The following COL10A1 variants were observed in gnomAD, a reference collection of about 807,000 sequenced individuals.
COL10A1 encodes collagen type X alpha 1 chain, also known as collagen alpha-1(X) chain.
In COL10A1, 10 loss-of-function variants were observed where a neutral mutation model predicts 18.2. The ratio of observed to expected loss-of-function variants is 0.55; its 90% CI spans 0.34 to 0.93. The LOEUF is 0.93. Among genes scored for constraint, COL10A1 ranks in the 40% least tolerant of loss-of-function variants. The pLI is 0.02. For missense variants in COL10A1, 897 were observed against 853.5 expected (o/e 1.05, Z -0.64); for synonymous variants, 330 against 316.6 (o/e 1.04, Z -0.45).
At chr6:116,175,147 A>C in the COL10A1 span, among the ~76,000 whole-genome samples, 1 of 152,190 alleles carries the variant, frequency 6.6e-6, no homozygotes, top group African/African-American at 2.4e-5. Flanking sequence ...AGTTTGATGC[A>C]TTCTGACTCA....
At chr6:116,148,224 G>A (rs1582834840) in intron 1 of COL10A1, among the ~76,000 whole-genome samples, 1 of 152,074 alleles carries the variant, frequency 6.6e-6, no homozygotes, top group Non-Finnish European at 1.5e-5. Flanking sequence ...TGGGGACAGG[G>A]GTGGGAGGGA....
chr6:116,205,380 G>T, the COL10A1 span, among the ~76,000 whole-genome samples: 4 of 151,920 alleles, frequency 2.6e-5, no homozygotes, highest in East Asian at 5.8e-4. Flanking sequence ...TTGGAAATTT[G>T]GAAGTGTTCA....
At chr6:116,136,036 C>T (rs1326632455) in intron 1 of COL10A1, among the ~76,000 whole-genome samples, 1 of 151,850 alleles carries the variant, frequency 6.6e-6, no homozygotes, top group Non-Finnish European at 1.5e-5. Flanking sequence ...ATTTCATGAA[C>T]TTATTCATCC....
chr6:116,120,944 G>A lies in COL10A1; in HGVS notation c.1172C>T (p.Pro391Leu), dbSNP rs1779100523. ...AGGACCATCGAGACCTGGTTTTCCT[G>A]GGTACCCTGGTTTTCCATCTGACCC... is the stretch of plus-strand genomic sequence containing the variant. ...SPGSDGKPGY[P>L]GKPGLDGPKG... Residue 391 changes from proline (P) to leucine (L), a missense_variant, in exon 3 of 3, where the codon CCA becomes CTA. Physicochemically the swap from Pro to Leu is moderately conservative, Grantham distance 98. Coordinates refer to ENST00000651968, the MANE Select transcript of COL10A1 (RefSeq NM_000493.4). 1 of 1,613,750 alleles carries A rather than the reference G, an allele frequency of 6.2e-7. No homozygotes were observed. Among genetic ancestry groups the A allele is most frequent in the African/African-American group, 1.3e-5 (1 of 74,854 alleles).
the COL10A1 span, among the ~76,000 whole-genome samples, chr6:116,181,665 C>T: frequency 1.3e-5 from 2 of 151,856 alleles, no homozygotes; most frequent in African/African-American, 2.4e-5. Flanking sequence ...TGGAAACTTA[C>T]AAAATGCAAG....
chr6:116,210,144 TC>T, the COL10A1 span, among the ~76,000 whole-genome samples: 1 of 152,060 alleles, frequency 6.6e-6, no homozygotes, highest in African/African-American at 2.4e-5. Flanking sequence ...GATACTTTTT[TC>T]CTCTGCAGAA....
At chr6:116,162,253 T>G (rs901234813), upstream of COL10A1, among the ~76,000 whole-genome samples, 1 of 152,202 alleles carries the variant, frequency 6.6e-6, no homozygotes, top group Non-Finnish European at 1.5e-5. Flanking sequence ...CTTTTCCGAT[T>G]TGGATGCCTT....
the COL10A1 span, among the ~76,000 whole-genome samples, chr6:116,188,903 T>C: frequency 5.3e-5 from 8 of 152,112 alleles, no homozygotes; most frequent in South Asian, 1.4e-3. Context: ...TGTTTATTTA[T>C]AATTAAGCTT....
At chr6:116,145,296 T>C (rs988758135) in intron 1 of COL10A1, 6 of 207,342 alleles carry the variant, frequency 2.9e-5, no homozygotes, top group South Asian at 6.2e-5. Flanking sequence ...AGTGTTTCCC[T>C]TATCATACGT....
At chr6:116,140,178 TCAG>T (rs1212583910) in intron 1 of COL10A1, among the ~76,000 whole-genome samples, 9 of 152,186 alleles carry the variant, frequency 5.9e-5, no homozygotes, top group African/African-American at 2.2e-4. Context: ...GTGCATGCTC[TCAG>T]GTATTTTCAA....
upstream of COL10A1, among the ~76,000 whole-genome samples, chr6:116,128,114 T>G (rs1274750751): frequency 1.3e-5 from 2 of 152,200 alleles, no homozygotes; most frequent in African/African-American, 2.4e-5. Flanking sequence ...GTTGTATGTC[T>G]TCTTTTAGGG....
At chr6:116,196,430 A>T in the COL10A1 span, among the ~76,000 whole-genome samples, 1 of 152,012 alleles carries the variant, frequency 6.6e-6, no homozygotes, top group Non-Finnish European at 1.5e-5. Context: ...ATCTTTTCTA[A>T]ATTTTTCCCC....
intron 1 of COL10A1, among the ~76,000 whole-genome samples, chr6:116,144,237 C>T (rs1779837935): frequency 6.6e-6 from 1 of 152,142 alleles, no homozygotes; most frequent in Non-Finnish European, 1.5e-5. Flanking sequence ...GGCACAGTGG[C>T]TCACGCCTGT....
upstream of COL10A1, among the ~76,000 whole-genome samples, chr6:116,129,096 G>C (rs143896859): frequency 6.6e-6 from 1 of 152,044 alleles, no homozygotes; most frequent in East Asian, 1.9e-4. Context: ...TGAATATTTT[G>C]GTATATTTTT....
At chr6:116,149,623 TG>T (rs1779985121) in intron 1 of COL10A1, among the ~76,000 whole-genome samples, 1 of 152,136 alleles carries the variant, frequency 6.6e-6, no homozygotes, top group South Asian at 2.1e-4. Context: ...TTGGAGAAAT[TG>T]TTTTTCCAAA....
intron 1 of COL10A1, among the ~76,000 whole-genome samples, chr6:116,154,607 T>G (rs1164412260): frequency 6.6e-6 from 1 of 152,232 alleles, no homozygotes; most frequent in Non-Finnish European, 1.5e-5. Context: ...TAAAACAGTT[T>G]GAAAGTACAC....
At chr6:116,192,193 A>G in the COL10A1 span, among the ~76,000 whole-genome samples, 1 of 152,012 alleles carries the variant, frequency 6.6e-6, no homozygotes, top group African/African-American at 2.4e-5. Flanking sequence ...TTGCCAGTTA[A>G]TTAACCTCTG....
At chr6:116,150,205 CT>C (rs1336464504) in intron 1 of COL10A1, among the ~76,000 whole-genome samples, 7 of 152,128 alleles carry the variant, frequency 4.6e-5, no homozygotes, top group African/African-American at 1.7e-4. Context: ...ATTACTATGG[CT>C]TTCACATGGA....
chr6:116,200,170 G>A, the COL10A1 span, among the ~76,000 whole-genome samples: 11 of 151,908 alleles, frequency 7.2e-5, no homozygotes, highest in African/African-American at 2.7e-4. Context: ...CCAGTCTAAT[G>A]AAAAAGTCAG....
Sources: gnomAD v4.1 joint callset for allele counts (sites outside exome capture counted in the v4.1 genomes callset) on GRCh38, gnomAD v4.1.1 for gene constraint, MANE v1.5 for transcripts, NCBI Gene and HGNC (gene_info 2026-07-23, HGNC 2026-07-21) for gene names.